The following CTCFL variants were observed in gnomAD, a reference collection of about 807,000 sequenced individuals.
CTCFL encodes the protein transcriptional repressor CTCFL.
In CTCFL, 36 loss-of-function variants were observed where a neutral mutation model predicts 67.4. The observed-to-expected ratio is 0.53, with a 90% CI of 0.41 to 0.71. CTCFL has a LOEUF of 0.71. Ranked by LOEUF, CTCFL falls within the 30% of genes least tolerant of loss-of-function variation. The pLI is 0.00. For missense variants in CTCFL, 786 were observed against 835.2 expected, an observed-to-expected ratio of 0.94 and a Z score of 0.73; for synonymous variants, 324 against 302.3, an observed-to-expected ratio of 1.07 and a Z score of -0.75.
At chr20:57,500,872 A>G (rs577295176) in intron 10 of CTCFL, among the ~76,000 whole-genome samples, 31 of 152,306 alleles carry the variant, frequency 2.0e-4, no homozygotes, top group Admixed American at 1.8e-3. Flanking sequence ...AACAAAAACA[A>G]AACAAAACCA....
intron 1 of CTCFL, 80 bp from the exon 2 acceptor site, chr20:57,524,296 C>G: frequency 6.6e-7 from 1 of 1,524,330 alleles, no homozygotes; most frequent in Non-Finnish European, 8.7e-7. Flanking sequence ...GTGCTGGAAC[C>G]TAGCAGGCTT....
rs1194932960 is a variant in CTCFL at position 57,498,256 on chromosome 20, A to G, written c.*294T>C. 1 of 1,050,606 alleles carries G rather than the reference A, an allele frequency of 9.5e-7. No homozygotes were observed. Among genetic ancestry groups the G allele is most frequent in the Non-Finnish European group, 1.1e-6 (1 of 871,690 alleles). The allele number at this position is 1,050,606 out of a possible 1,614,324, so 65.1% of individuals were successfully genotyped here. On this transcript the variant is annotated 3_prime_UTR_variant, in exon 11 of 11. Transcript: ENST00000243914. Reference sequence around the variant, plus strand: ...GTTTGAGGTGTTACCCTCTCATTCAAGGTTTAAAACTTTTATAAAATACCT... The same window carrying G: ...GTTTGAGGTGTTACCCTCTCATTCAGGGTTTAAAACTTTTATAAAATACCT...
chr20:57,520,937 G>A (rs2069308774), intron 3 of CTCFL, among the ~76,000 whole-genome samples: 1 of 152,208 alleles, frequency 6.6e-6, no homozygotes, highest in South Asian at 2.1e-4. Context: ...CTTATAAGAA[G>A]AGGAAAAGAG....
Position 57,523,976 on chromosome 20 carries a change from T to C in CTCFL, c.230A>G (p.Lys77Arg). ...LVLAPSEESE[K>R]YILTLQTVHF... ...CACCGTCTGCAGGGTCAGGATGTAC[T>C]TCTCGCTCTCCTCCGAGGGGGCCAG... Residue 77 changes from lysine (K) to arginine (R), a missense_variant, in exon 2 of 11, where the codon AAG (lysine) becomes AGG (arginine). Lys to Arg is a conservative substitution (Grantham distance 26). Around this residue, in one of 3 missense-constraint regions of CTCFL, gnomAD observed 333 missense variants for 304.6 expected, o/e 1.09. Coordinates refer to ENST00000243914, the MANE Select transcript of CTCFL (RefSeq NM_001386993.1). 1 of 1,613,178 alleles carries C rather than the reference T, an allele frequency of 6.2e-7. No individual in the cohort carries two copies. Among genetic ancestry groups the C allele is most frequent in the Non-Finnish European group, 8.5e-7 (1 of 1,179,996 alleles).
At chr20:57,514,178 T>C (rs2068747954) in intron 7 of CTCFL, among the ~76,000 whole-genome samples, 1 of 152,190 alleles carries the variant, frequency 6.6e-6, no homozygotes, top group African/African-American at 2.4e-5. Context: ...TAACAAAAGC[T>C]TGCTGGGTGC....
At chr20:57,517,283 C>CTT (rs77609219) in intron 5 of CTCFL, among the ~76,000 whole-genome samples, 18 of 130,746 alleles carry the variant, frequency 1.4e-4, no homozygotes, top group African/African-American at 1.7e-4. Flanking sequence ...AGTTCAAATG[C>CTT]TTTTTTTTTT....
At chr20:57,525,296 G>A (rs1411803879), upstream of CTCFL, 3 of 128,910 alleles carry the variant, frequency 2.3e-5, no homozygotes, top group African/African-American at 6.2e-5. Flanking sequence ...ACCCCAGAGG[G>A]GGCACTGGTG....
At chr20:57,517,951 T>A (rs888004434) in intron 5 of CTCFL, among the ~76,000 whole-genome samples, 8 of 152,330 alleles carry the variant, frequency 5.3e-5, no homozygotes, top group East Asian at 1.9e-4. Context: ...ATAATTTTTT[T>A]AAAAATAGTA....
At chr20:57,513,925 T>C (rs1031575427) in intron 7 of CTCFL, 3 of 1,283,238 alleles carry the variant, frequency 2.3e-6, no homozygotes, top group Non-Finnish European at 3.0e-6. Context: ...CTCCCTCCCA[T>C]TGCTCAACAC....
intron 9 of CTCFL, among the ~76,000 whole-genome samples, 193 bp downstream of exon 9, chr20:57,508,410 GACC>G (rs2068342224): frequency 6.6e-6 from 1 of 150,436 alleles, no homozygotes; most frequent in African/African-American, 2.4e-5. Context: ...GGGATGAGGA[GACC>G]ACACTTTCAT....
At chr20:57,507,359 T>G in intron 9 of CTCFL, 2 of 556,632 alleles carry the variant, frequency 3.6e-6, no homozygotes, top group Non-Finnish European at 6.4e-6. Flanking sequence ...GCCTAGCTAT[T>G]TTCTTTTTTT....
intron 9 of CTCFL, among the ~76,000 whole-genome samples, chr20:57,504,059 C>T (rs1307122042): frequency 1.3e-5 from 2 of 152,110 alleles, no homozygotes; most frequent in East Asian, 3.9e-4. Flanking sequence ...TCACTGCAAG[C>T]TCCGCCTCCT....
In CTCFL at chr20:57,497,461, C is replaced by T; in HGVS notation, c.*1089G>A. 4.1e-6 allele frequency: 4 copies of T among 985,378 alleles called. No individual in the cohort carries two copies. The highest frequency in any genetic ancestry group is 4.8e-6 in the Non-Finnish European group (4 of 829,916). 61.0% of individuals were successfully genotyped at this position (985,378 alleles called of 1,614,324 possible). A position where few individuals can be genotyped will look rare whatever the true frequency, so the allele number is the denominator to read the frequency against. The stretch of plus-strand genomic sequence containing the variant: ...TTTGAATTTAGGGCTTATCAATGAT[C>T]TTGAAATACAGGGGTGGAGACAGGT... On this transcript the variant is annotated 3_prime_UTR_variant, in exon 11 of 11. Coordinates refer to ENST00000243914, the MANE Select transcript of CTCFL (RefSeq NM_001386993.1).
In CTCFL at chr20:57,519,253, G is replaced by A; in HGVS notation, c.879C>T (p.Thr293=). Residue 293 remains threonine, a synonymous_variant, in exon 4 of 11, where the codon ACC becomes ACT. Coordinates refer to ENST00000243914, the MANE Select transcript of CTCFL (RefSeq NM_001386993.1). Reference sequence around the variant, plus strand: ...TCCGCAGCAGAGTGACCGTACGGAAGGTTTTCAGGCAGAGGTGACACAGGT... The same window carrying A: ...TCCGCAGCAGAGTGACCGTACGGAAAGTTTTCAGGCAGAGGTGACACAGGT... The part of the protein sequence containing the change: ...KPHLCHLCLK[T]FRTVTLLRNH... 6.2e-7 allele frequency: 1 copy of A among 1,614,184 alleles called. No individual in the cohort carries two copies. Among genetic ancestry groups the A allele is most frequent in the Middle Eastern group, 1.6e-4 (1 of 6,062 alleles).
At chr20:57,503,350 C>T in intron 10 of CTCFL, 86 bp downstream of exon 10, 3 of 1,500,922 alleles carry the variant, frequency 2.0e-6, no homozygotes, top group East Asian at 4.5e-5. Context: ...TGGACACATC[C>T]CCTGGACAGT....
chr20:57,513,570 G>T (rs2146370075), intron 7 of CTCFL: 1 of 1,108,436 alleles, frequency 9.0e-7, no homozygotes, highest in Non-Finnish European at 1.1e-6. Flanking sequence ...CTTTGCCATG[G>T]TGTCAAAAAA....
intron 10 of CTCFL, chr20:57,499,620 C>T (rs973713395): frequency 1.5e-4 from 27 of 182,358 alleles, no homozygotes; most frequent in African/African-American, 6.4e-4. Flanking sequence ...AATAATTATA[C>T]AGCTCACCAT....
chr20:57,502,362 G>C (rs183287027), intron 10 of CTCFL, among the ~76,000 whole-genome samples: 239 of 150,782 alleles, frequency 1.6e-3, no homozygotes, highest in Non-Finnish European at 2.7e-3. Context: ...ATTTTTTTTA[G>C]TATAAGTATA....
chr20:57,507,065 G>C (rs1316027587), intron 9 of CTCFL: 2 of 989,586 alleles, frequency 2.0e-6, no homozygotes, highest in African/African-American at 1.7e-5. Context: ...CAAGGATCTA[G>C]CTAGCCATGT....
Sources: gnomAD v4.1 joint callset for allele counts (sites outside exome capture counted in the v4.1 genomes callset) on GRCh38, gnomAD v4.1.1 for gene constraint, gnomAD v4.1.1 regional missense constraint, MANE v1.5 for transcripts, NCBI Gene and HGNC (gene_info 2026-07-23, HGNC 2026-07-21) for gene names.